The following SSBP2 variants were observed in gnomAD, a reference collection of about 807,000 sequenced individuals.
SSBP2 encodes the protein single-stranded DNA-binding protein 2.
Under a neutral mutation model 61.8 loss-of-function variants are expected in SSBP2, and 17 were observed. The ratio of observed to expected loss-of-function variants is 0.28; its 90% confidence interval spans 0.19 to 0.41. SSBP2 has a LOEUF of 0.41. Among genes scored for constraint, SSBP2 ranks in the 10% least tolerant of loss-of-function variants. The pLI, the probability that SSBP2 is intolerant of heterozygous loss-of-function variation, is 1.00. For synonymous variants in SSBP2, 139 were observed against 141.3 expected (o/e 0.98, Z 0.12); for missense variants, 310 against 458.7 (o/e 0.68, Z 2.96).
chr5:81,543,169 C>G (rs996268146), intron 4 of SSBP2, among the ~76,000 whole-genome samples: 3 of 152,118 alleles, frequency 2.0e-5, no homozygotes, highest in Non-Finnish European at 4.4e-5. Flanking sequence ...TGCTTATACT[C>G]TCTCCTACAG....
chr5:81,622,568 C>T (rs1304621581), intron 3 of SSBP2, among the ~76,000 whole-genome samples: 1 of 152,124 alleles, frequency 6.6e-6, no homozygotes, highest in African/African-American at 2.4e-5. Flanking sequence ...AAAATTTATA[C>T]CATATATGCA....
intron 4 of SSBP2, among the ~76,000 whole-genome samples, chr5:81,518,600 GATATTCTGTTAT>G (rs1769220392): frequency 6.6e-6 from 1 of 152,026 alleles, no homozygotes; most frequent in African/African-American, 2.4e-5. Context: ...CCCAGTCTCG[GATATTCTGTTAT>G]AGCAGCACAG....
At chr5:81,722,698 A>T (rs1056069870) in intron 1 of SSBP2, among the ~76,000 whole-genome samples, 3 of 151,942 alleles carry the variant, frequency 2.0e-5, no homozygotes, top group Non-Finnish European at 4.4e-5. Context: ...TTAACCTCAC[A>T]TGGTTGTTTT....
chr5:81,503,317 G>A (rs1399746685), intron 5 of SSBP2, among the ~76,000 whole-genome samples: 1 of 152,144 alleles, frequency 6.6e-6, no homozygotes, highest in Non-Finnish European at 1.5e-5. Flanking sequence ...AGCCGGGTGT[G>A]GTGGTGCATG....
intron 11 of SSBP2, chr5:81,447,985 T>C (rs1485066812): frequency 6.6e-6 from 1 of 152,188 alleles, no homozygotes; most frequent in Admixed American, 6.5e-5. Context: ...ACTATTTCCA[T>C]GGAGAGTGAA....
chr5:81,415,032 G>C lies in SSBP2; in HGVS notation c.*5472C>G, dbSNP rs1219822936. Reference sequence around the variant, plus strand: ...TTTTCTAGTTATTTCTCAAGGTATGGTTCACAGACCCAGGGAGACCTTTAC... The same window carrying C: ...TTTTCTAGTTATTTCTCAAGGTATGCTTCACAGACCCAGGGAGACCTTTAC... On this transcript the variant is annotated 3_prime_UTR_variant, in exon 17 of 17. Transcript: ENST00000320672. 6.6e-6 allele frequency: 1 copy of C among 152,116 alleles called. No homozygotes were observed. Among genetic ancestry groups the C allele is most frequent in the African/African-American group, 2.4e-5 (1 of 41,426 alleles). 9.4% of individuals were successfully genotyped at this position (152,116 alleles called of 1,614,324 possible).
chr5:81,731,794 A>G (rs905027199), intron 1 of SSBP2, among the ~76,000 whole-genome samples: 13 of 151,256 alleles, frequency 8.6e-5, no homozygotes, highest in African/African-American at 2.9e-4. Context: ...ATAAACCCCA[A>G]ACAGAATTGT....
intron 4 of SSBP2, among the ~76,000 whole-genome samples, chr5:81,561,824 C>T (rs1023241442): frequency 3.9e-5 from 6 of 152,178 alleles, no homozygotes; most frequent in African/African-American, 1.4e-4. Context: ...TGAAAACTCA[C>T]TAAAGCAATG....
At chr5:81,427,906 T>G (rs1762053154) in intron 16 of SSBP2, among the ~76,000 whole-genome samples, 2 of 152,204 alleles carry the variant, frequency 1.3e-5, no homozygotes. Flanking sequence ...GGGTTTCTAA[T>G]GTGAAATATT....
intron 4 of SSBP2, among the ~76,000 whole-genome samples, chr5:81,594,983 A>C (rs978861961): frequency 9.2e-5 from 14 of 152,230 alleles, no homozygotes; most frequent in Admixed American, 5.9e-4. Flanking sequence ...GGCAAGAAAT[A>C]ACTAAGATCA....
At chr5:81,653,517 C>T (rs552586494) in intron 1 of SSBP2, among the ~76,000 whole-genome samples, 1 of 152,110 alleles carries the variant, frequency 6.6e-6, no homozygotes, top group Admixed American at 6.5e-5. Context: ...CTTGAGGAAT[C>T]GCCACACTGT....
In SSBP2 at chr5:81,414,759, T is replaced by A. The variant is rs1165229179; in HGVS notation, c.*5745A>T. The A allele has an allele frequency of 6.6e-6, 1 of 152,216 alleles. No individual in the cohort carries two copies. Among genetic ancestry groups the A allele is most frequent in the Non-Finnish European group, 1.5e-5 (1 of 68,030 alleles). 9.4% of individuals were successfully genotyped at this position (152,216 alleles called of 1,614,324 possible). On this transcript the variant is annotated 3_prime_UTR_variant, in exon 17 of 17. Transcript: ENST00000320672. ...ACGCACAGGAGACTCCATCTGCGTA[T>A]GTCTTGTATTACTCTTTCCATCCCA...
At chr5:81,449,229 G>T (rs750538467) in intron 10 of SSBP2, among the ~76,000 whole-genome samples, 1 of 152,088 alleles carries the variant, frequency 6.6e-6, no homozygotes, top group African/African-American at 2.4e-5. Context: ...TTGTTAATAC[G>T]AGTCTCCAAA....
At chr5:81,554,618 T>A (rs1331338024) in intron 4 of SSBP2, among the ~76,000 whole-genome samples, 1 of 151,992 alleles carries the variant, frequency 6.6e-6, no homozygotes, top group Non-Finnish European at 1.5e-5. Context: ...TATATTTTAG[T>A]TATAGCTAAT....
chr5:81,428,475 A>C, intron 16 of SSBP2, 110 bp downstream of exon 16: 1 of 708,080 alleles, frequency 1.4e-6, no homozygotes, highest in Non-Finnish European at 2.4e-6. Context: ...CTAAAAGATA[A>C]ACCTGTTGAA....
chr5:81,749,211 CTA>C (rs1161990126), intron 1 of SSBP2, among the ~76,000 whole-genome samples: 1 of 152,152 alleles, frequency 6.6e-6, no homozygotes, highest in Non-Finnish European at 1.5e-5. Flanking sequence ...GGCTATAACG[CTA>C]TGTCTTTTAT....
intron 1 of SSBP2, among the ~76,000 whole-genome samples, chr5:81,652,790 G>A (rs1020675631): frequency 1.3e-5 from 2 of 151,826 alleles, no homozygotes; most frequent in African/African-American, 4.8e-5. Context: ...GGAACGAGCT[G>A]TGTTTGATTA....
chr5:81,633,544 T>C lies in SSBP2; in HGVS notation c.197+3013A>G, dbSNP rs183907083. Among the ~76,000 whole-genome samples, 476 of 152,172 alleles carry C rather than the reference T, an allele frequency of 3.1e-3. 3 individuals are homozygous for C. The highest frequency in any genetic ancestry group is 0.011 in the African/African-American group (454 of 41,482). ...ACCATTCAACCATCTCTCTCTCTCT[T>C]TCTTTTTTTAGAGATGAGGTATCGC... is the stretch of plus-strand genomic sequence containing the variant. On this transcript the variant is annotated intron_variant, in intron 3 of 16. Transcript: ENST00000320672.
At chr5:81,591,472 G>A (rs1775496552) in intron 4 of SSBP2, among the ~76,000 whole-genome samples, 1 of 152,054 alleles carries the variant, frequency 6.6e-6, no homozygotes, top group Non-Finnish European at 1.5e-5. Context: ...ATACAACAAA[G>A]TTATTGGAAC....
Sources: gnomAD v4.1 joint callset for allele counts (sites outside exome capture counted in the v4.1 genomes callset) on GRCh38, gnomAD v4.1.1 for gene constraint, MANE v1.5 for transcripts, NCBI Gene and HGNC (gene_info 2026-07-23, HGNC 2026-07-21) for gene names.